The following SHANK1 variants were observed in gnomAD, a reference collection of about 807,000 sequenced individuals.
SHANK1 encodes the protein SH3 and multiple ankyrin repeat domains protein 1.
Under a neutral mutation model 165.6 loss-of-function variants are expected in SHANK1, and 35 were observed. That is an observed-to-expected ratio of 0.21 (90% CI 0.16 to 0.28). The LOEUF (loss-of-function observed/expected upper bound fraction) is 0.28. SHANK1 is among the 10% of genes least tolerant of loss of function. The pLI, the probability that SHANK1 is intolerant of heterozygous loss-of-function variation, is 1.00. For synonymous variants in SHANK1, 1,428 were observed against 1,384.8 expected, an observed-to-expected ratio of 1.03 and a Z score of -0.69; for missense variants, 2,681 against 3,036.4, an observed-to-expected ratio of 0.88 and a Z score of 2.75.
chr19:50,712,832 G>A (rs895225336), intron 6 of SHANK1, among the ~76,000 whole-genome samples: 2 of 152,226 alleles, frequency 1.3e-5, no homozygotes, highest in Non-Finnish European at 2.9e-5. Context: ...CTTGAACGTG[G>A]CTAGTGAGCC....
At chr19:50,685,957 G>A (rs1365524378) in intron 21 of SHANK1, among the ~76,000 whole-genome samples, 1 of 152,078 alleles carries the variant, frequency 6.6e-6, no homozygotes, top group East Asian at 1.9e-4. Flanking sequence ...AAGATGGGAC[G>A]CAGAGGGACA....
Position 50,666,210 on chromosome 19 carries a change from G to T in SHANK1, c.5750C>A (p.Ser1917Tyr), listed in dbSNP as rs757212977. ...GGASYVPERTSSLQRQRLSDD... is the reference protein window; with the variant it reads ...GGASYVPERTYSLQRQRLSDD... ...CGCTTACCTCTGCCGCTGCAGGGAG[G>T]AGGTCCTCTCGGGGACATAGCTGGC... The change falls in exon 23 of 24, where the codon TCC (serine) becomes TAC (tyrosine). Residue 1917 changes from serine to tyrosine, a missense_variant. By Grantham distance (144) the Ser-to-Tyr change is moderately radical (BLOSUM62 -2). Around this residue, in one of 10 missense-constraint regions of SHANK1, gnomAD observed 1,713 missense variants for 1,630.2 expected, o/e 1.05. Coordinates refer to ENST00000293441, the MANE Select transcript of SHANK1 (RefSeq NM_016148.5). 1 of 1,602,114 alleles carries T rather than the reference G, an allele frequency of 6.2e-7. No homozygotes were observed. Among genetic ancestry groups the T allele is most frequent in the Non-Finnish European group, 8.5e-7 (1 of 1,175,022 alleles).
At chr19:50,714,614 G>A in intron 4 of SHANK1, among the ~76,000 whole-genome samples, 1 of 146,660 alleles carries the variant, frequency 6.8e-6, no homozygotes, top group Non-Finnish European at 1.5e-5. Context: ...AGGATCCTTT[G>A]AACCCTGAAA....
At chr19:50,698,065 G>C in intron 12 of SHANK1, 109 bp from the exon 13 acceptor site, 1 of 779,920 alleles carries the variant, frequency 1.3e-6, no homozygotes, top group Admixed American at 2.1e-5. Context: ...CCTGGCCCAA[G>C]GCCATCCTTA....
rs1202980850 is a variant in SHANK1 at position 50,668,617 on chromosome 19, T to C, written c.3343A>G (p.Lys1115Glu). 1 of 1,378,372 alleles carries C rather than the reference T, an allele frequency of 7.3e-7. No homozygotes were observed. Among genetic ancestry groups the C allele is most frequent in the South Asian group, 1.7e-5 (1 of 59,384 alleles). The allele number at this position is 1,378,372 out of a possible 1,614,324, so 85.4% of individuals were successfully genotyped here. The change falls in exon 23 of 24, where the codon AAG (lysine) becomes GAG (glutamate). Residue 1115 changes from lysine (K) to glutamate (E), a missense_variant. Lys to Glu is a moderately conservative substitution (Grantham distance 56). Coordinates refer to ENST00000293441, the MANE Select transcript of SHANK1 (RefSeq NM_016148.5). ...CCCTTCTGGGGCTCGCCTTCCACCT[T>C]GGTCTGCTTGACCAGCGGGCCCTTG... ...GRKGPLVKQTKVEGEPQKGGG... is the reference protein window; with the variant it reads ...GRKGPLVKQTEVEGEPQKGGG...
intron 15 of SHANK1, among the ~76,000 whole-genome samples, chr19:50,692,892 C>T (rs1030304804): frequency 1.4e-5 from 2 of 144,562 alleles, no homozygotes; most frequent in Non-Finnish European, 3.0e-5. Context: ...ACACACCCTA[C>T]CCCCCTTTCC....
At chr19:50,705,778 G>A (rs1388996310) in intron 8 of SHANK1, among the ~76,000 whole-genome samples, 1 of 152,204 alleles carries the variant, frequency 6.6e-6, no homozygotes, top group African/African-American at 2.4e-5. Context: ...GCACTTTAGA[G>A]GCAGAAGCTC....
intron 21 of SHANK1, among the ~76,000 whole-genome samples, chr19:50,679,927 C>G (rs12463138): frequency 6.7e-6 from 1 of 149,654 alleles, no homozygotes; most frequent in Non-Finnish European, 1.5e-5. Context: ...GAGACAAAGG[C>G]AGAGATAGGG....
chr19:50,716,568 G>A lies in SHANK1; in HGVS notation c.256-90C>T, dbSNP rs2089072107. On this transcript the variant is annotated intron_variant, in intron 2 of 23. Coordinates refer to ENST00000293441, the MANE Select transcript of SHANK1 (RefSeq NM_016148.5). The surrounding 1 kb of genome is among the most constrained non-coding windows in gnomAD (Gnocchi z 8.4). ...GGAAGTGAGCCAGGAGCTGAGTGTG[G>A]GGGTGATTCCTGGGAGGATACCCAG... 3.8e-6 allele frequency: 6 copies of A among 1,566,708 alleles called. No homozygotes were observed. Among genetic ancestry groups the A allele is most frequent in the African/African-American group, 1.4e-5 (1 of 74,020 alleles).
chr19:50,705,442 A>T (rs1238138056), intron 8 of SHANK1, among the ~76,000 whole-genome samples: 1 of 152,218 alleles, frequency 6.6e-6, no homozygotes, highest in Non-Finnish European at 1.5e-5. Flanking sequence ...ATGTCACCTA[A>T]TTATTTTCCC....
In SHANK1 at chr19:50,717,070, A is replaced by G; in HGVS notation, c.-43-108T>C. On this transcript the variant is annotated intron_variant, in intron 1 of 23. Transcript: ENST00000293441. This position sits in a 1 kb window ranked among gnomAD's most constrained non-coding sequence, Gnocchi z 5.5. ...AAGGGCAGCCTACCCCCACTGCCCAAGATAGGCAGGAAGGAGGCTGGACAC... is the reference window on the plus strand; with the variant it reads ...AAGGGCAGCCTACCCCCACTGCCCAGGATAGGCAGGAAGGAGGCTGGACAC... 4 of 930,022 alleles carry G rather than the reference A, an allele frequency of 4.3e-6. No individual in the cohort carries two copies. In the South Asian group the frequency reaches 9.1e-5, roughly 21 times the overall value. The allele number at this position is 930,022 out of a possible 1,614,324, so 57.6% of individuals were successfully genotyped here. A position where few individuals can be genotyped will look rare whatever the true frequency, so the allele number is the denominator to read the frequency against.
chr19:50,665,359 G>A (rs1985437462), intron 23 of SHANK1, among the ~76,000 whole-genome samples: 1 of 151,984 alleles, frequency 6.6e-6, no homozygotes. Context: ...TAGGTCAGGA[G>A]TTCAAGACCA....
At position 50,662,567 on chromosome 19, in the gene SHANK1, C is replaced by T; in HGVS notation, c.5884G>A (p.Ala1962Thr). 1 of 1,562,928 alleles carries T rather than the reference C, an allele frequency of 6.4e-7. No individual in the cohort carries two copies. Among genetic ancestry groups the T allele is most frequent in the Non-Finnish European group, 8.7e-7 (1 of 1,153,220 alleles). The stretch of plus-strand genomic sequence containing the variant: ...GAGGTGGCCCCTGGGGCCGCAGCGG[C>T]TGTAGGGGAGACCCCTGTTCCGGTG... ...LPTGTGVSPT[A>T]AAAPGATSPS... Residue 1962 changes from alanine (A) to threonine (T), a missense_variant, in exon 24 of 24, where the codon GCC (alanine) becomes ACC (threonine). Ala to Thr is a moderately conservative substitution (Grantham distance 58, BLOSUM62 0). Transcript: ENST00000293441. This position sits in a 1 kb window ranked among gnomAD's most constrained non-coding sequence, Gnocchi z 7.7.
intron 21 of SHANK1, among the ~76,000 whole-genome samples, chr19:50,679,779 C>CA (rs1437111769): frequency 6.6e-6 from 1 of 151,496 alleles, no homozygotes; most frequent in African/African-American, 2.4e-5. Flanking sequence ...CAGAGATAGA[C>CA]AGAGACAGAG....
chr19:50,688,727 C>T lies in SHANK1; in HGVS notation c.2172+117G>A. The T allele has an allele frequency of 9.7e-7, 1 of 1,028,476 alleles. No individual in the cohort carries two copies. 63.7% of individuals were successfully genotyped at this position (1,028,476 alleles called of 1,614,324 possible). On this transcript the variant is annotated intron_variant, in intron 17 of 23. Coordinates refer to ENST00000293441, the MANE Select transcript of SHANK1 (RefSeq NM_016148.5). The surrounding 1 kb of genome is among the most constrained non-coding windows in gnomAD (Gnocchi z 6.7). ...GGCTGGCTGGGGGGTGGGCAGGGGGCTGGGAATCCTGGTGCCAAAGGAGAA... is the reference window on the plus strand; with the variant it reads ...GGCTGGCTGGGGGGTGGGCAGGGGGTTGGGAATCCTGGTGCCAAAGGAGAA...
At chr19:50,674,648 C>A (rs573468474) in intron 21 of SHANK1, among the ~76,000 whole-genome samples, 1 of 152,160 alleles carries the variant, frequency 6.6e-6, no homozygotes, top group Non-Finnish European at 1.5e-5. Context: ...TTCAACTGTA[C>A]ATTTCAGGCC....
At chr19:50,700,593 A>C (rs1465785225) in intron 12 of SHANK1, among the ~76,000 whole-genome samples, 2 of 152,054 alleles carry the variant, frequency 1.3e-5, no homozygotes, top group Non-Finnish European at 2.9e-5. Context: ...CAGCTCCCTC[A>C]TCAGGCTGTG....
At chr19:50,684,863 AGAT>A (rs754897262) in intron 21 of SHANK1, among the ~76,000 whole-genome samples, 29 of 152,376 alleles carry the variant, frequency 1.9e-4, no homozygotes, top group Non-Finnish European at 2.6e-4. Context: ...TGACAAAAAA[AGAT>A]GATATTATGA....
At chr19:50,698,069 A>G in intron 12 of SHANK1, 113 bp from the exon 13 acceptor site, 1 of 750,042 alleles carries the variant, frequency 1.3e-6, no homozygotes, top group South Asian at 1.6e-5. Flanking sequence ...GCCCAAGGCC[A>G]TCCTTAATAA....
Sources: allele counts gnomAD v4.1 joint callset (sites outside exome capture counted in the v4.1 genomes callset), GRCh38; gene constraint gnomAD v4.1.1; regional missense constraint gnomAD v4.1.1; non-coding constraint Gnocchi (gnomAD v3.1); transcripts MANE v1.5; gene names NCBI Gene and HGNC (gene_info 2026-07-23, HGNC 2026-07-21).